Variants in CYP1A1 observed in about 807,000 individuals in gnomAD.
CYP1A1 encodes the protein cytochrome P450 family 1 subfamily A member 1.
In CYP1A1, 43 loss-of-function variants were observed where a neutral mutation model predicts 33.6. The ratio of observed to expected loss-of-function variants is 1.28; its 90% CI spans 1.00 to 1.65. CYP1A1 has a LOEUF of 1.65. Among genes scored for constraint, CYP1A1 ranks in the 40% most tolerant of loss-of-function variants. The pLI, the probability that CYP1A1 is intolerant of heterozygous loss-of-function variation, is 0.00. For missense variants in CYP1A1, 637 were observed against 653.7 expected (o/e 0.97, Z 0.28); for synonymous variants, 280 against 257.8 (o/e 1.09, Z -0.83).
chr15:74,720,202 C>T lies in CYP1A1; in HGVS notation c.*287G>A. On this transcript the variant is annotated 3_prime_UTR_variant, in exon 7 of 7. Transcript: ENST00000379727. ...TCAGAGCTTCTCAGAGGCCTAAGGACCTCCTAACCCTAGCAGGCCTCCTGG... is the reference window on the plus strand; with the variant it reads ...TCAGAGCTTCTCAGAGGCCTAAGGATCTCCTAACCCTAGCAGGCCTCCTGG... 9.5e-6 allele frequency: 3 copies of T among 316,536 alleles called. No homozygotes were observed. Among genetic ancestry groups the T allele is most frequent in the South Asian group, 1.2e-4 (1 of 8,182 alleles). 19.6% of individuals were successfully genotyped at this position (316,536 alleles called of 1,614,324 possible). A position where few individuals can be genotyped will look rare whatever the true frequency, so the allele number is the denominator to read the frequency against.
rs1281168233 is a variant in CYP1A1, at chr15:74,722,665, A to G, written c.433T>C (p.Phe145Leu). 1.2e-6 allele frequency: 2 copies of G among 1,613,718 alleles called. No individual in the cohort carries two copies. Among genetic ancestry groups the G allele is most frequent in the Non-Finnish European group, 1.7e-6 (2 of 1,180,016 alleles). Residue 145 changes from phenylalanine to leucine, a missense_variant, in exon 2 of 7, where the codon TTC (phenylalanine) becomes CTC (leucine). Transcript: ENST00000379727. Reference protein sequence around the residue: ...RRLAQNGLKSFSIASDPASST... With the variant: ...RRLAQNGLKSLSIASDPASST... ...GAGGCTGGGTCAGAGGCAATGGAGAAACTTTTCAGGCCATTCTGGGCCAGG... is the reference window on the plus strand; with the variant it reads ...GAGGCTGGGTCAGAGGCAATGGAGAGACTTTTCAGGCCATTCTGGGCCAGG...
Position 74,721,205 on chromosome 15 carries a change from G to C in CYP1A1, c.1160C>G (p.Pro387Arg). Reference protein sequence around the residue: ...RHSSFVPFTIPHSTTRDTSLK... With the variant: ...RHSSFVPFTIRHSTTRDTSLK... ...TGGCTCCATGGGGCCTTACCTGTGG[G>C]GGATGGTGAAGGGGACGAAGGAAGA... Residue 387 changes from proline to arginine, a missense_variant, in exon 5 of 7, where the codon CCC becomes CGC. Pro to Arg is a moderately radical substitution (Grantham distance 103, BLOSUM62 -2). Transcript: ENST00000379727. 1.9e-6 allele frequency: 3 copies of C among 1,612,288 alleles called. No individual in the cohort carries two copies. Among genetic ancestry groups the C allele is most frequent in the South Asian group, 1.1e-5 (1 of 90,758 alleles).
rs1397957205 is a variant in CYP1A1 at position 74,722,518 on chromosome 15, C to T, written c.580G>A (p.Val194Met). The change falls in exon 2 of 7, where the codon GTG (valine) becomes ATG (methionine). Residue 194 changes from valine to methionine, a missense_variant. Transcript: ENST00000379727. ...FNPYRYVVVS[V>M]TNVICAICFG... ...CAAATGGCACAGATGACATTGGTCACTGATACCACCACATACCTGTAGGGG... is the reference window on the plus strand; with the variant it reads ...CAAATGGCACAGATGACATTGGTCATTGATACCACCACATACCTGTAGGGG... 6.2e-7 allele frequency: 1 copy of T among 1,614,158 alleles called. No individual in the cohort carries two copies. Among genetic ancestry groups the T allele is most frequent in the South Asian group, 1.1e-5 (1 of 91,084 alleles).
chr15:74,724,732 A>C (rs2063201901), intron 1 of CYP1A1, among the ~76,000 whole-genome samples: 1 of 151,236 alleles, frequency 6.6e-6, no homozygotes, highest in African/African-American at 2.4e-5. Context: ...TGGGTATCCC[A>C]AGGACCTGCA....
rs1465856272 is a variant in CYP1A1, at chr15:74,722,969, TG to T, written c.128del (p.Pro43HisfsTer6). 8.1e-6 allele frequency: 13 copies of T among 1,614,174 alleles called. No individual in the cohort carries two copies. The highest frequency in any genetic ancestry group is 1.1e-5 in the Non-Finnish European group (13 of 1,180,018). On this transcript the variant is annotated frameshift_variant, in exon 2 of 7. Coordinates refer to ENST00000379727, the MANE Select transcript of CYP1A1 (RefSeq NM_001319217.2). LOFTEE classifies it high-confidence loss of function. ...VPKGLKNPPG[P>X]WGWPLIGHML... ...TGTGCCCAATCAGAGGCCAGCCCCA[TG>T]GCCCTGGTGGATTCTTCAGGCCTTT...
intron 2 of CYP1A1, chr15:74,722,040 A>C (rs2063174392): frequency 3.4e-6 from 2 of 594,888 alleles, no homozygotes; most frequent in Non-Finnish European, 5.9e-6. Context: ...AGGGTCCTGC[A>C]TGTAATGACT....
In CYP1A1 at chr15:74,720,339, A is replaced by T; in HGVS notation, c.*150T>A. ...AGGGTAGGGGCAGGCAGGATCCCTT[A>T]GGCTTGCCCACAGCCCAGATAGCAA... On this transcript the variant is annotated 3_prime_UTR_variant, in exon 7 of 7. Transcript: ENST00000379727. 1 of 834,584 alleles carries T rather than the reference A, an allele frequency of 1.2e-6. No homozygotes were observed. Among genetic ancestry groups the T allele is most frequent in the Non-Finnish European group, 1.8e-6 (1 of 561,670 alleles). 51.7% of individuals were successfully genotyped at this position (834,584 alleles called of 1,614,324 possible). A position where few individuals can be genotyped will look rare whatever the true frequency, so the allele number is the denominator to read the frequency against.
Position 74,723,107 on chromosome 15 carries a change from A to G in CYP1A1, c.-10T>C. The G allele has an allele frequency of 6.5e-7, 1 of 1,542,774 alleles. No homozygotes were observed. Among genetic ancestry groups the G allele is most frequent in the South Asian group, 1.2e-5 (1 of 80,250 alleles). On this transcript the variant is annotated 5_prime_UTR_variant, in exon 2 of 7. Transcript: ENST00000379727. ...AGATTGGGAAAAGCATGATCAGTGT[A>G]GGGATCTTGGAGGTGGCTGCTGAGA...
In CYP1A1 at chr15:74,721,443, C is replaced by G; in HGVS notation, c.1013G>C (p.Arg338Thr). ...CTCCTCTTGGATCTTTCTCTGTACC[C>G]TGGGGTTCATCACCAAATACATGAG... The part of the protein sequence containing the change: ...WSLMYLVMNP[R>T]VQRKIQEELD... The change falls in exon 4 of 7, where the codon AGG (arginine) becomes ACG (threonine). Residue 338 changes from arginine to threonine, a missense_variant. Arg to Thr is a moderately conservative substitution (Grantham distance 71, BLOSUM62 -1). Coordinates refer to ENST00000379727, the MANE Select transcript of CYP1A1 (RefSeq NM_001319217.2). 6.2e-7 allele frequency: 1 copy of G among 1,614,164 alleles called. No homozygotes were observed. The highest frequency in any genetic ancestry group is 1.1e-5 in the South Asian group (1 of 91,076).
Position 74,721,248 on chromosome 15 carries a change from G to C in CYP1A1, c.1117C>G (p.Leu373Val). 6.2e-7 allele frequency: 1 copy of C among 1,613,914 alleles called. No individual in the cohort carries two copies. The highest frequency in any genetic ancestry group is 8.5e-7 in the Non-Finnish European group (1 of 1,179,900). The change falls in exon 5 of 7, where the codon CTG becomes GTG. Residue 373 changes from leucine (L) to valine (V), a missense_variant. By Grantham distance (32) the Leu-to-Val change is conservative (BLOSUM62 1). Transcript: ENST00000379727. ...SHLPYMEAFI[L>V]ETFRHSSFVP... ...AAGGAAGAGTGTCGGAAGGTCTCCA[G>C]GATGAAGGCCTCCATATAGGGCAGA...
Position 74,722,388 on chromosome 15 carries a change from A to G in CYP1A1, c.710T>C (p.Ile237Thr). ...VVGSGNPADF[I>T]PILRYLPNPS... ...GTTGGGTAGGTAGCGAAGAATAGGG[A>G]TGAAGTCAGCTGGGTTTCCAGAGCC... Residue 237 changes from isoleucine (I) to threonine (T), a missense_variant, in exon 2 of 7, where the codon ATC becomes ACC. Transcript: ENST00000379727. The G allele has an allele frequency of 1.9e-6, 3 of 1,614,074 alleles. No individual in the cohort carries two copies. Among genetic ancestry groups the G allele is most frequent in the South Asian group, 1.1e-5 (1 of 91,078 alleles).
chr15:74,722,213 C>T (rs1248686149), intron 2 of CYP1A1, 60 bp downstream of exon 2: 1 of 1,428,168 alleles, frequency 7.0e-7, no homozygotes, highest in African/African-American at 1.4e-5. Context: ...TTACCTTTGA[C>T]CTCCCAGGCC....
chr15:74,723,618 C>T (rs1401538887), intron 1 of CYP1A1, among the ~76,000 whole-genome samples: 3 of 152,042 alleles, frequency 2.0e-5, no homozygotes, highest in Non-Finnish European at 4.4e-5. Context: ...TTGATTTTTC[C>T]CCTAACACAT....
chr15:74,720,322 G>T lies in CYP1A1; in HGVS notation c.*167C>A. 1.5e-6 allele frequency: 1 copy of T among 664,480 alleles called. No individual in the cohort carries two copies. The allele number at this position is 664,480 out of a possible 1,614,324, so 41.2% of individuals were successfully genotyped here. ...TGTGCAGAGGCAAGTCCAGGGTAGG[G>T]GCAGGCAGGATCCCTTAGGCTTGCC... On this transcript the variant is annotated 3_prime_UTR_variant, in exon 7 of 7. Transcript: ENST00000379727.
In CYP1A1 at chr15:74,722,279, A is replaced by C. The variant is rs1286606165; in HGVS notation, c.819T>G (p.Phe273Leu). ...GCCTTTCCCCAGACTGTACCTTCTC[A>C]AAGGTTTTGTAGTGCTCCTTGACCA... Reference protein sequence around the residue: ...QKMVKEHYKTFEKGHIRDITD... With the variant: ...QKMVKEHYKTLEKGHIRDITD... Residue 273 changes from phenylalanine (F) to leucine (L), a missense_variant, in exon 2 of 7, where the codon TTT (phenylalanine) becomes TTG (leucine). Physicochemically the swap from Phe to Leu is conservative, Grantham distance 22. Transcript: ENST00000379727. 1 of 1,607,700 alleles carries C rather than the reference A, an allele frequency of 6.2e-7. No individual in the cohort carries two copies. Among genetic ancestry groups the C allele is most frequent in the East Asian group, 2.2e-5 (1 of 44,674 alleles).
intron 2 of CYP1A1, 196 bp from the exon 3 acceptor site, chr15:74,721,913 C>T: frequency 3.1e-6 from 2 of 646,338 alleles, no homozygotes; most frequent in Non-Finnish European, 2.6e-6. Context: ...ACTCATGGGA[C>T]ATTTGACACA....
At chr15:74,724,107 T>G (rs552245513) in intron 1 of CYP1A1, among the ~76,000 whole-genome samples, 6 of 150,768 alleles carry the variant, frequency 4.0e-5, no homozygotes, top group South Asian at 2.1e-4. Flanking sequence ...CAGGCCAGGG[T>G]TTTTTTTTGG....
chr15:74,721,085 G>A, intron 5 of CYP1A1, 32 bp from the exon 6 acceptor site: 1 of 1,613,090 alleles, frequency 6.2e-7, no homozygotes, highest in Non-Finnish European at 8.5e-7. Context: ...TCAGGCTCAG[G>A]GCAACAGGCA....
intron 1 of CYP1A1, among the ~76,000 whole-genome samples, chr15:74,724,301 AG>A (rs2063197759): frequency 6.6e-6 from 1 of 152,192 alleles, no homozygotes; most frequent in Non-Finnish European, 1.5e-5. Flanking sequence ...TGACCTAAAA[AG>A]GGTGTTTAAA....
Sources: allele counts gnomAD v4.1 joint callset (sites outside exome capture counted in the v4.1 genomes callset), GRCh38; gene constraint gnomAD v4.1.1; transcripts MANE v1.5; gene names NCBI Gene and HGNC (gene_info 2026-07-23, HGNC 2026-07-21).